Variants in ZBBX observed in about 807,000 individuals in gnomAD.
ZBBX encodes zinc finger B-box domain-containing protein 1.
A neutral mutation model predicts 108.5 loss-of-function variants in ZBBX; 101 were observed. That is an observed-to-expected ratio of 0.93 (90% CI 0.79 to 1.10). ZBBX has a LOEUF of 1.10. ZBBX is among the 50% of genes least tolerant of loss of function. The pLI is 0.00. For missense variants in ZBBX, 1,009 were observed against 941.4 expected, an observed-to-expected ratio of 1.07 and a Z score of -0.94; for synonymous variants, 356 against 323.4, an observed-to-expected ratio of 1.10 and a Z score of -1.08.
chr3:167,224,043 A>C, the ZBBX span, among the ~76,000 whole-genome samples: 2 of 152,042 alleles, frequency 1.3e-5, no homozygotes, highest in South Asian at 4.1e-4. Context: ...ACATGCCAAC[A>C]GGAGGGGACA....
chr3:167,298,423 T>A lies in ZBBX; in HGVS notation c.1761A>T (p.Ile587=). ...TCTCAAGTCCTTGATATTGTTTTGT[T>A]ATAGGCTTACTTCTGCAGGCTATTT... ...LQEIACRSKP[I]TKQYQGLERF... is the part of the protein sequence containing the mutation. The change falls in exon 18 of 22, where the codon ATA becomes ATT. Residue 587 remains isoleucine (I), a synonymous_variant. Coordinates refer to ENST00000675490, the MANE Select transcript of ZBBX (RefSeq NM_001199201.2). 2 of 1,551,062 alleles carry A rather than the reference T, an allele frequency of 1.3e-6. No individual in the cohort carries two copies. Among genetic ancestry groups the A allele is most frequent in the East Asian group, 4.6e-5 (2 of 43,052 alleles).
chr3:167,380,945 G>C (rs1747673120), upstream of ZBBX, among the ~76,000 whole-genome samples: 1 of 149,112 alleles, frequency 6.7e-6, no homozygotes, highest in Non-Finnish European at 1.5e-5. Flanking sequence ...TCCGAACAAA[G>C]CTGCACCTGT....
chr3:167,393,193 A>C (rs1258874726), intron 1 of ZBBX, among the ~76,000 whole-genome samples: 1 of 151,814 alleles, frequency 6.6e-6, no homozygotes, highest in Non-Finnish European at 1.5e-5. Context: ...TATATGAATA[A>C]ATTCTTACCA....
chr3:167,368,153 C>G (rs189935911), intron 5 of ZBBX, among the ~76,000 whole-genome samples: 85 of 151,374 alleles, frequency 5.6e-4, no homozygotes, highest in Admixed American at 2.4e-3. Context: ...AAAGTGTGCA[C>G]TGCTGTCATA....
intron 8 of ZBBX, among the ~76,000 whole-genome samples, chr3:167,358,613 A>T (rs1452349734): frequency 1.3e-5 from 2 of 151,996 alleles, no homozygotes; most frequent in African/African-American, 4.8e-5. Flanking sequence ...ATTTTCTGTA[A>T]TTTTTTCATT....
At chr3:167,292,111 C>T (rs1215735706) in intron 18 of ZBBX, among the ~76,000 whole-genome samples, 2 of 149,310 alleles carry the variant, frequency 1.3e-5, no homozygotes, top group Non-Finnish European at 2.9e-5. Context: ...TAGTGGGAGA[C>T]TTTAACACCC....
At chr3:167,380,622 A>C (rs1747642467), upstream of ZBBX, among the ~76,000 whole-genome samples, 1 of 152,192 alleles carries the variant, frequency 6.6e-6, no homozygotes, top group Non-Finnish European at 1.5e-5. Context: ...GGCACAAAAA[A>C]TTTGACTATC....
intron 2 of ZBBX, among the ~76,000 whole-genome samples, chr3:167,377,944 C>T (rs1434779030): frequency 2.0e-5 from 3 of 152,132 alleles, no homozygotes; most frequent in East Asian, 3.9e-4. Flanking sequence ...TTCCCCCACG[C>T]TATTTTCGTG....
intron 17 of ZBBX, among the ~76,000 whole-genome samples, chr3:167,303,165 TTTAA>T (rs1733019510): frequency 6.6e-6 from 1 of 152,192 alleles, no homozygotes; most frequent in Admixed American, 6.5e-5. Context: ...TCCTGACTGT[TTTAA>T]TTAATTGGAT....
chr3:167,222,835 G>A, the ZBBX span, among the ~76,000 whole-genome samples: 2,041 of 139,144 alleles, frequency 0.015, 22 homozygotes, highest in South Asian at 0.03. Context: ...GATTGGTAAC[G>A]GGTACCAACA....
At chr3:167,300,109 T>G (rs1301807113) in intron 17 of ZBBX, among the ~76,000 whole-genome samples, 1 of 152,200 alleles carries the variant, frequency 6.6e-6, no homozygotes, top group Admixed American at 6.5e-5. Context: ...TCTGTGAAAC[T>G]ATTTACACTT....
intron 9 of ZBBX, among the ~76,000 whole-genome samples, chr3:167,349,829 T>G (rs986243638): frequency 2.0e-5 from 3 of 152,046 alleles, no homozygotes; most frequent in African/African-American, 4.8e-5. Flanking sequence ...CTGTAACTAG[T>G]GTAATGCCAT....
the ZBBX span, among the ~76,000 whole-genome samples, chr3:167,214,110 G>A: frequency 6.6e-6 from 1 of 152,194 alleles, no homozygotes; most frequent in Non-Finnish European, 1.5e-5. Context: ...TAGTGTCACT[G>A]TAAAGCAACC....
chr3:167,318,361 A>G (rs1735822628), intron 12 of ZBBX, among the ~76,000 whole-genome samples: 1 of 151,958 alleles, frequency 6.6e-6, no homozygotes, highest in Non-Finnish European at 1.5e-5. Flanking sequence ...CTCCATTCTA[A>G]CTAATTTTGG....
chr3:167,280,618 G>A (rs1728623731), intron 20 of ZBBX, among the ~76,000 whole-genome samples: 1 of 150,944 alleles, frequency 6.6e-6, no homozygotes, highest in African/African-American at 2.4e-5. Flanking sequence ...GTGCTAGAGA[G>A]GATGTGGAGA....
chr3:167,236,984 A>C (rs543441697), downstream of ZBBX, among the ~76,000 whole-genome samples: 1 of 151,884 alleles, frequency 6.6e-6, no homozygotes, highest in Non-Finnish European at 1.5e-5. Flanking sequence ...AGAGATGAGA[A>C]ATAGCATGTG....
intron 2 of ZBBX, among the ~76,000 whole-genome samples, chr3:167,374,374 T>G (rs1746625662): frequency 6.6e-6 from 1 of 152,194 alleles, no homozygotes; most frequent in Admixed American, 6.5e-5. Context: ...AGTATCCCAA[T>G]TATTCATGGT....
At chr3:167,371,582 T>C (rs1377680380) in intron 4 of ZBBX, among the ~76,000 whole-genome samples, 2 of 152,194 alleles carry the variant, frequency 1.3e-5, no homozygotes, top group Non-Finnish European at 2.9e-5. Context: ...TAGCACAGTG[T>C]ATAGAAAATG....
At chr3:167,243,096 T>A (rs1016637639) in intron 20 of ZBBX, among the ~76,000 whole-genome samples, 2 of 152,208 alleles carry the variant, frequency 1.3e-5, no homozygotes, top group African/African-American at 4.8e-5. Context: ...TTGCTTTGTT[T>A]GAGTAGATAA....
Sources: gnomAD v4.1 joint callset for allele counts (sites outside exome capture counted in the v4.1 genomes callset) on GRCh38, gnomAD v4.1.1 for gene constraint, MANE v1.5 for transcripts, NCBI Gene and HGNC (gene_info 2026-07-23, HGNC 2026-07-21) for gene names.